SGPL1: variants seen among roughly 807,000 people sequenced by gnomAD.
SGPL1 encodes sphingosine-1-phosphate lyase 1.
In SGPL1, 37 loss-of-function variants were observed where a neutral mutation model predicts 68.9. The observed-to-expected ratio is 0.54, with a 90% CI of 0.41 to 0.71. SGPL1 has a LOEUF of 0.71. Ranked by LOEUF, SGPL1 falls within the 30% of genes least tolerant of loss-of-function variation. SGPL1 has a pLI of 0.00. For missense variants in SGPL1, 551 were observed against 704.6 expected, an observed-to-expected ratio of 0.78 and a Z score of 2.47; for synonymous variants, 236 against 248.5, an observed-to-expected ratio of 0.95 and a Z score of 0.47.
intron 12 of SGPL1, among the ~76,000 whole-genome samples, chr10:70,874,868 G>T (rs1589477931): frequency 6.6e-6 from 1 of 152,176 alleles, no homozygotes; most frequent in African/African-American, 2.4e-5. Flanking sequence ...TCACACCACT[G>T]CACTCTAGCC....
Position 70,849,186 on chromosome 10 carries a change from C to T in SGPL1, c.194-1957C>T, listed in dbSNP as rs922998158. 3.0e-4 allele frequency among the ~76,000 whole-genome samples: 46 copies of T among 152,284 alleles called. 1 individual carries two copies. Among genetic ancestry groups the T allele is most frequent in the Middle Eastern group, 3.4e-3 (1 of 294 alleles). On this transcript the variant is annotated intron_variant, in intron 3 of 14. Coordinates refer to ENST00000373202, the MANE Select transcript of SGPL1 (RefSeq NM_003901.4). ...CTGGTCCAGTTTGCTGATTTTTAGACTTCTTTTTACCTCATTAATTACTTC... is the reference window on the plus strand; with the variant it reads ...CTGGTCCAGTTTGCTGATTTTTAGATTTCTTTTTACCTCATTAATTACTTC...
chr10:70,873,635 T>C (rs754105917), intron 12 of SGPL1, 46 bp downstream of exon 12: 1 of 1,447,002 alleles, frequency 6.9e-7, no homozygotes, highest in South Asian at 1.1e-5. Context: ...TGCTTTTTTG[T>C]CCTAGTAGGC....
intron 2 of SGPL1, among the ~76,000 whole-genome samples, chr10:70,823,639 A>G (rs978348025): frequency 2.5e-4 from 37 of 148,680 alleles, no homozygotes; most frequent in African/African-American, 8.6e-4. Flanking sequence ...TCTGAAACCA[A>G]TAACCATAAC....
intron 2 of SGPL1, among the ~76,000 whole-genome samples, chr10:70,817,321 C>T (rs945547308): frequency 2.0e-5 from 3 of 152,190 alleles, no homozygotes; most frequent in Non-Finnish European, 4.4e-5. Flanking sequence ...GCCTGGCCAA[C>T]CACCTTTTAT....
At chr10:70,867,481 TG>T (rs1846214069) in intron 7 of SGPL1, among the ~76,000 whole-genome samples, 1 of 151,528 alleles carries the variant, frequency 6.6e-6, no homozygotes, top group Admixed American at 6.6e-5. Flanking sequence ...GAGAATCGCT[TG>T]AACCAGGAGG....
intron 6 of SGPL1, 122 bp downstream of exon 6, chr10:70,857,812 C>T (rs553309627): frequency 1.8e-6 from 1 of 559,788 alleles, no homozygotes; most frequent in East Asian, 3.3e-5. Flanking sequence ...TACAATAAAA[C>T]CATAAAAGTT....
intron 4 of SGPL1, 98 bp downstream of exon 4, chr10:70,851,308 T>G: frequency 9.5e-7 from 1 of 1,056,366 alleles, no homozygotes; most frequent in Non-Finnish European, 1.5e-6. Context: ...GGAGGGGTGA[T>G]TTTGTCTCTT....
intron 13 of SGPL1, 61 bp from the exon 14 acceptor site, chr10:70,876,480 A>G (rs1001109698): frequency 2.9e-5 from 44 of 1,493,172 alleles, no homozygotes; most frequent in Non-Finnish European, 3.9e-5. Flanking sequence ...TTGGGGCTGC[A>G]TCATTTTAGA....
chr10:70,817,203 A>G (rs964958695), intron 2 of SGPL1, among the ~76,000 whole-genome samples: 1 of 152,050 alleles, frequency 6.6e-6, no homozygotes, highest in South Asian at 2.1e-4. Context: ...TATTTTTAGT[A>G]GAGACGGGGT....
rs914452578 is a variant in SGPL1 at position 70,878,699 on chromosome 10, G to T, written c.*1364G>T. 2 of 152,232 alleles carry T rather than the reference G, an allele frequency of 1.3e-5. No individual in the cohort carries two copies. The highest frequency in any genetic ancestry group is 2.9e-5 in the Non-Finnish European group (2 of 68,044). 9.4% of individuals were successfully genotyped at this position (152,232 alleles called of 1,614,324 possible). Reference sequence around the variant, plus strand: ...TTGCCTTGACTTACCCTAGGTGGGTGTGAAAGAGCACCCGTAGCAAGGAAA... The same window carrying T: ...TTGCCTTGACTTACCCTAGGTGGGTTTGAAAGAGCACCCGTAGCAAGGAAA... On this transcript the variant is annotated 3_prime_UTR_variant, in exon 15 of 15. Transcript: ENST00000373202.
Position 70,869,773 on chromosome 10 carries a change from C to T in SGPL1, c.705-19C>T, listed in dbSNP as rs756891875. 1.4e-5 allele frequency: 23 copies of T among 1,601,694 alleles called. No homozygotes were observed. Among genetic ancestry groups the T allele is most frequent in the South Asian group, 1.3e-4 (12 of 90,466 alleles). On this transcript the variant is annotated intron_variant, in intron 8 of 14. Coordinates refer to ENST00000373202, the MANE Select transcript of SGPL1 (RefSeq NM_003901.4). ...ATTTTGGCCTGAGTTACATTATTCT[C>T]CTCTTCCCTGTCATTTAGTGTGGCT...
chr10:70,835,997 C>T (rs1845622829), intron 2 of SGPL1, among the ~76,000 whole-genome samples: 1 of 152,090 alleles, frequency 6.6e-6, no homozygotes. Context: ...GTTATGGAAG[C>T]CTGAGAAAAC....
Position 70,877,536 on chromosome 10 carries a change from A to C in SGPL1, c.*201A>C. 1.9e-6 allele frequency: 1 copy of C among 513,290 alleles called. No homozygotes were observed. Among genetic ancestry groups the C allele is most frequent in the South Asian group, 3.7e-5 (1 of 27,108 alleles). The allele number at this position is 513,290 out of a possible 1,614,324, so 31.8% of individuals were successfully genotyped here. A position where few individuals can be genotyped will look rare whatever the true frequency, so the allele number is the denominator to read the frequency against. ...GTTTTTAATTTGAAGACCCCAGAGA[A>C]TTCCATTACATAATGATTTTGCCCT... is the stretch of plus-strand genomic sequence containing the variant. On this transcript the variant is annotated 3_prime_UTR_variant, in exon 15 of 15. Transcript: ENST00000373202.
At chr10:70,830,501 C>T (rs748850083) in intron 2 of SGPL1, among the ~76,000 whole-genome samples, 2 of 152,160 alleles carry the variant, frequency 1.3e-5, no homozygotes, top group Non-Finnish European at 2.9e-5. Context: ...ATCAGAACTG[C>T]ACTCCTTTTT....
At chr10:70,857,346 GACA>G (rs1189073540) in intron 5 of SGPL1, 18 of 376,156 alleles carry the variant, frequency 4.8e-5, no homozygotes, top group South Asian at 1.3e-4. Context: ...TGAGGATGAG[GACA>G]ACATTATTAT....
rs995115150 is a variant in SGPL1, at chr10:70,870,785, C to T, written c.811-263C>T. On this transcript the variant is annotated intron_variant, in intron 9 of 14. Coordinates refer to ENST00000373202, the MANE Select transcript of SGPL1 (RefSeq NM_003901.4). ...TGGGGCTCACATTTGGCTCTTTGGC[C>T]TCTTAGCTCAATATTATTTTCGCCC... Among the ~76,000 whole-genome samples, 6 of 152,172 alleles carry T rather than the reference C, an allele frequency of 3.9e-5. No individual in the cohort carries two copies. The South Asian group carries it at 8.3e-4, about 21-fold the overall frequency.
chr10:70,820,464 A>G (rs1845318517), intron 2 of SGPL1: 1 of 152,054 alleles, frequency 6.6e-6, no homozygotes. Flanking sequence ...ATGTTTTATT[A>G]TTAAATTATT....
chr10:70,852,802 T>A (rs1845908890), intron 4 of SGPL1, among the ~76,000 whole-genome samples: 1 of 152,250 alleles, frequency 6.6e-6, no homozygotes, highest in Non-Finnish European at 1.5e-5. Flanking sequence ...CTGCTCAGTG[T>A]CAAGTACTTT....
In SGPL1 at chr10:70,877,308, G is replaced by C; in HGVS notation, c.1680G>C (p.Gln560His). 6.2e-7 allele frequency: 1 copy of C among 1,614,206 alleles called. No individual in the cohort carries two copies. The highest frequency in any genetic ancestry group is 8.5e-7 in the Non-Finnish European group (1 of 1,180,026). ...YSTDTVTQGS[Q>H]MNGSPKPH ...CCGACACTGTCACCCAGGGCAGCCA[G>C]ATGAATGGTTCTCCAAAACCCCACT... is the stretch of plus-strand genomic sequence containing the variant. Residue 560 changes from glutamine (Q) to histidine (H), a missense_variant, in exon 15 of 15, where the codon CAG becomes CAC. Transcript: ENST00000373202.
Sources: allele counts gnomAD v4.1 joint callset (sites outside exome capture counted in the v4.1 genomes callset), GRCh38; gene constraint gnomAD v4.1.1; transcripts MANE v1.5; gene names NCBI Gene and HGNC (gene_info 2026-07-23, HGNC 2026-07-21).